TNIP1: variants seen among roughly 807,000 people sequenced by gnomAD.
TNIP1 encodes TNFAIP3-interacting protein 1.
Under a neutral mutation model 86.6 loss-of-function variants are expected in TNIP1, and 22 were observed. The ratio of observed to expected loss-of-function variants is 0.25; its 90% CI spans 0.18 to 0.36. TNIP1 has a LOEUF of 0.36. Ranked by LOEUF, TNIP1 falls within the 10% of genes least tolerant of loss-of-function variation. TNIP1 has a pLI of 1.00. For missense variants in TNIP1, 709 were observed against 820.6 expected (o/e 0.86, Z 1.66); for synonymous variants, 294 against 313.0 (o/e 0.94, Z 0.64).
intron 5 of TNIP1, among the ~76,000 whole-genome samples, chr5:151,058,916 C>G (rs4958880): frequency 6.6e-6 from 1 of 152,068 alleles, no homozygotes; most frequent in African/African-American, 2.4e-5. Context: ...GACTATAACC[C>G]CAACTTGGCA....
intron 14 of TNIP1, 52 bp downstream of exon 14, chr5:151,035,530 C>CT: frequency 1.9e-6 from 3 of 1,613,284 alleles, no homozygotes; most frequent in Non-Finnish European, 2.5e-6. Context: ...TCCATGCCCC[C>CT]TCTCCCCACG....
chr5:151,032,762 G>A (rs1757068673), intron 16 of TNIP1: 1 of 236,430 alleles, frequency 4.2e-6, no homozygotes, highest in African/African-American at 2.4e-5. Flanking sequence ...GGATGCCTAA[G>A]GTGGGGCTGT....
chr5:151,039,736 A>T (rs1758180077), intron 11 of TNIP1, among the ~76,000 whole-genome samples: 2 of 152,258 alleles, frequency 1.3e-5, no homozygotes, highest in South Asian at 4.1e-4. Context: ...TCCCTAACAG[A>T]CACTGCAGCT....
At chr5:151,042,838 A>C (rs2113414393) in intron 10 of TNIP1, 58 bp downstream of exon 10, 1 of 1,608,700 alleles carries the variant, frequency 6.2e-7, no homozygotes. Context: ...GCTGCTAAAG[A>C]GGCAGCGAGA....
chr5:151,077,639 G>A (rs1763536909), intron 1 of TNIP1, among the ~76,000 whole-genome samples: 1 of 152,190 alleles, frequency 6.6e-6, no homozygotes, highest in African/African-American at 2.4e-5. Context: ...TTCACCAGGG[G>A]TGCTCAAGGA....
intron 1 of TNIP1, among the ~76,000 whole-genome samples, chr5:151,070,252 C>T (rs868359711): frequency 1.3e-5 from 2 of 152,208 alleles, no homozygotes; most frequent in Non-Finnish European, 2.9e-5. Flanking sequence ...TCTGATTTAA[C>T]AAGAAACACA....
Position 151,034,167 on chromosome 5 carries a change from GGCTAGTACATGGGCATGGAAA to G in TNIP1, c.1588-389_1588-369del, listed in dbSNP as rs1216006546. Among the ~76,000 whole-genome samples, 454 of 146,772 alleles carry G rather than the reference GGCTAGTACATGGGCATGGAAA, an allele frequency of 3.1e-3. 3 individuals are homozygous for G. The highest frequency in any genetic ancestry group is 0.011 in the African/African-American group (434 of 39,506). The stretch of plus-strand genomic sequence containing the variant: ...GGAAGGCTGGTACATGGGCACAGAA[GGCTAGTACATGGGCATGGAAA>G]GCTGGTACATGGGCATGGAAGGCTG... On this transcript the variant is annotated intron_variant, in intron 15 of 17. Transcript: ENST00000521591.
intron 15 of TNIP1, among the ~76,000 whole-genome samples, chr5:151,034,219 T>C (rs1455496420): frequency 7.1e-6 from 1 of 139,998 alleles, no homozygotes; most frequent in Non-Finnish European, 1.5e-5. Flanking sequence ...GGCTGGTACA[T>C]GGACACGGAA....
intron 7 of TNIP1, among the ~76,000 whole-genome samples, chr5:151,050,985 T>C (rs543947569): frequency 2.4e-4 from 37 of 152,322 alleles, no homozygotes; most frequent in African/African-American, 8.7e-4. Context: ...CCACCACTTC[T>C]TTATGTTCTA....
At chr5:151,048,499 A>G (rs1759475833) in intron 8 of TNIP1, among the ~76,000 whole-genome samples, 1 of 152,184 alleles carries the variant, frequency 6.6e-6, no homozygotes, top group African/African-American at 2.4e-5. Flanking sequence ...ACCTGCATGC[A>G]ATTCCAAGGC....
At chr5:151,064,570 C>T (rs1037463933) in intron 2 of TNIP1, among the ~76,000 whole-genome samples, 2 of 143,680 alleles carry the variant, frequency 1.4e-5, no homozygotes, top group Non-Finnish European at 3.0e-5. Flanking sequence ...GCTCTGCTCC[C>T]TGCTCCAACA....
At position 151,032,503 on chromosome 5, in the gene TNIP1, C is replaced by CCAGGCTGGCACTCCCATTT; in HGVS notation, c.1780-139_1780-121dup. 6.9e-6 allele frequency: 7 copies of CCAGGCTGGCACTCCCATTT among 1,018,970 alleles called. No individual in the cohort carries two copies. In the South Asian group the frequency reaches 9.9e-5, roughly 14 times the overall value. The allele number at this position is 1,018,970 out of a possible 1,614,324, so 63.1% of individuals were successfully genotyped here. On this transcript the variant is annotated intron_variant, in intron 16 of 17. Coordinates refer to ENST00000521591, the MANE Select transcript of TNIP1 (RefSeq NM_006058.5). ...AGTATAATTGAATCTTTATAACAAC[C>CCAGGCTGGCACTCCCATTT]CAGGCTGGCACTCCCATTTCACAGG... is the stretch of plus-strand genomic sequence containing the variant.
intron 5 of TNIP1, among the ~76,000 whole-genome samples, chr5:151,059,863 GTGTGCGCGCGCGC>G (rs1761288150): frequency 1.1e-5 from 1 of 91,346 alleles, no homozygotes; most frequent in Non-Finnish European, 2.0e-5. Flanking sequence ...GTGTGTGTGT[GTGTGCGCGCGCGC>G]GCGCGCATGC....
chr5:151,053,156 C>T (rs1760191890), intron 6 of TNIP1, among the ~76,000 whole-genome samples: 1 of 127,254 alleles, frequency 7.9e-6, no homozygotes, highest in Non-Finnish European at 1.6e-5. Flanking sequence ...GTTGCCCAGG[C>T]TGGACTGCAG....
At chr5:151,054,744 G>A (rs1277348323) in intron 6 of TNIP1, among the ~76,000 whole-genome samples, 1 of 152,184 alleles carries the variant, frequency 6.6e-6, no homozygotes, top group Non-Finnish European at 1.5e-5. Flanking sequence ...GCCTAGCAGA[G>A]AGCCTTATGC....
At chr5:151,057,234 C>A (rs1760788808) in intron 5 of TNIP1, among the ~76,000 whole-genome samples, 1 of 152,262 alleles carries the variant, frequency 6.6e-6, no homozygotes, top group South Asian at 2.1e-4. Flanking sequence ...AGTCACTTGT[C>A]TGCTGGACCT....
intron 1 of TNIP1, among the ~76,000 whole-genome samples, chr5:151,074,154 T>C (rs761170512): frequency 6.6e-6 from 1 of 152,204 alleles, no homozygotes; most frequent in Non-Finnish European, 1.5e-5. Context: ...TTTTTTACAT[T>C]ATATCTTTTG....
rs147675859 is a variant in TNIP1 at position 151,059,278 on chromosome 5, C to T, written c.435+1040G>A. On this transcript the variant is annotated intron_variant, in intron 5 of 17. Transcript: ENST00000521591. Reference sequence around the variant, plus strand: ...TGCCTCCATGGCCAGCATCTCAGAGCCCTCAGGGACAGAACAGGACAAGGG... The same window carrying T: ...TGCCTCCATGGCCAGCATCTCAGAGTCCTCAGGGACAGAACAGGACAAGGG... Among the ~76,000 whole-genome samples the T allele has an allele frequency of 9.8e-4, 150 of 152,320 alleles. 1 individual carries two copies. The highest frequency in any genetic ancestry group is 3.3e-3 in the African/African-American group (136 of 41,564).
chr5:151,066,529 C>A (rs758267420), intron 1 of TNIP1, among the ~76,000 whole-genome samples: 3 of 152,188 alleles, frequency 2.0e-5, no homozygotes, highest in Non-Finnish European at 2.9e-5. Context: ...GTGACTACGA[C>A]CATACCACCC....
Sources: allele counts gnomAD v4.1 joint callset (sites outside exome capture counted in the v4.1 genomes callset), GRCh38; gene constraint gnomAD v4.1.1; transcripts MANE v1.5; gene names NCBI Gene and HGNC (gene_info 2026-07-23, HGNC 2026-07-21).